Variants in HDAC4 observed in about 807,000 individuals in gnomAD.
HDAC4 encodes histone deacetylase A.
In HDAC4, 16 loss-of-function variants were observed where a neutral mutation model predicts 135.1. The ratio of observed to expected loss-of-function variants is 0.12; its 90% CI spans 0.08 to 0.18. The LOEUF is 0.18. HDAC4 is among the 10% of genes least tolerant of loss of function. HDAC4 has a pLI of 1.00. For missense variants in HDAC4, 1,143 were observed against 1,511.8 expected, an observed-to-expected ratio of 0.76 and a Z score of 4.05; for synonymous variants, 685 against 653.4, an observed-to-expected ratio of 1.05 and a Z score of -0.74.
At chr2:239,357,888 C>CAAAAAAAAAAA (rs71043188) in intron 1 of HDAC4, among the ~76,000 whole-genome samples, 1 of 55,620 alleles carries the variant, frequency 1.8e-5, no homozygotes, top group African/African-American at 8.7e-5. Flanking sequence ...GCCTCTGTTC[C>CAAAAAAAAAAA]AAAAAAAAAA....
Position 239,348,162 on chromosome 2 carries a change from G to A in HDAC4, c.22+4516C>T, listed in dbSNP as rs187136021. ...CCAGCAAATCCACGTCCCAGCAAAT[G>A]CACTGCTTCCTATCGAGAGCACCAT... On this transcript the variant is annotated intron_variant, in intron 2 of 26. Transcript: ENST00000543185. 2.8e-4 allele frequency among the ~76,000 whole-genome samples: 33 copies of A among 118,050 alleles called. No homozygotes were observed. The East Asian group carries it at 7.7e-3, about 28-fold the overall frequency. The allele number at this position is 118,050 out of a possible 152,430, so 77.4% of individuals were successfully genotyped here.
intron 1 of HDAC4, among the ~76,000 whole-genome samples, chr2:239,376,430 T>C (rs1695011211): frequency 1.3e-5 from 2 of 149,122 alleles, no homozygotes; most frequent in South Asian, 2.2e-4. Flanking sequence ...GGTGCCCAGA[T>C]GTGAGGAAGG....
chr2:239,121,516 G>A (rs2039689722), intron 12 of HDAC4, among the ~76,000 whole-genome samples: 1 of 152,334 alleles, frequency 6.6e-6, no homozygotes, highest in African/African-American at 2.4e-5. Flanking sequence ...TTCCCCGGCT[G>A]GCTGCGGATG....
rs982370997 is a variant in HDAC4, at chr2:239,240,700, G to A, written c.23-4036C>T. Among the ~76,000 whole-genome samples the A allele has an allele frequency of 1.3e-4, 20 of 152,174 alleles. No individual in the cohort carries two copies. Among genetic ancestry groups the A allele is most frequent in the African/African-American group, 2.9e-4 (12 of 41,432 alleles). ...CCAGATGCACACTGAGAGGGAGGCC[G>A]AGGAGCACGGGTACCTCGTGTCCTC... On this transcript the variant is annotated intron_variant, in intron 2 of 26. Transcript: ENST00000543185. This position sits in a 1 kb window ranked among gnomAD's most constrained non-coding sequence, Gnocchi z 4.5.
intron 22 of HDAC4, among the ~76,000 whole-genome samples, chr2:239,076,787 A>T (rs1247094779): frequency 2.6e-5 from 4 of 152,158 alleles, no homozygotes; most frequent in African/African-American, 9.7e-5. Context: ...ACTTGGATGG[A>T]CACTTTCTCA....
At position 239,131,898 on chromosome 2, in the gene HDAC4, C is replaced by T. The variant is rs527395815; in HGVS notation, c.1294+2347G>A. 3.9e-5 allele frequency among the ~76,000 whole-genome samples: 6 copies of T among 152,328 alleles called. No homozygotes were observed. In the East Asian group the frequency reaches 7.7e-4, roughly 20 times the overall value. On this transcript the variant is annotated intron_variant, in intron 11 of 26. Coordinates refer to ENST00000543185, the MANE Select transcript of HDAC4 (RefSeq NM_001378414.1). The stretch of plus-strand genomic sequence containing the variant: ...ACCTGGCCAGTACTGCTCTAGACAG[C>T]GTGGGGGCCTCCAGGCCTTCAAGGA...
chr2:239,353,377 T>C (rs563107708), intron 1 of HDAC4, among the ~76,000 whole-genome samples: 9 of 152,238 alleles, frequency 5.9e-5, no homozygotes, highest in African/African-American at 2.2e-4. Context: ...GAATCATTTC[T>C]ACAAATACGA....
chr2:239,076,013 GCGTGCC>G (rs2034717245), intron 22 of HDAC4, among the ~76,000 whole-genome samples: 1 of 151,336 alleles, frequency 6.6e-6, no homozygotes, highest in Admixed American at 6.6e-5. Context: ...AGTAGCAGGC[GCGTGCC>G]AGCGAACTCT....
intron 2 of HDAC4, among the ~76,000 whole-genome samples, chr2:239,316,713 C>A (rs1246392238): frequency 6.6e-6 from 1 of 152,096 alleles, no homozygotes; most frequent in Non-Finnish European, 1.5e-5. Flanking sequence ...AAGAGGAGTT[C>A]CCTGTAGGAC....
chr2:239,192,709 G>A (rs777230014), intron 3 of HDAC4, among the ~76,000 whole-genome samples: 1 of 152,160 alleles, frequency 6.6e-6, no homozygotes, highest in Non-Finnish European at 1.5e-5. Flanking sequence ...TGATTGGCAC[G>A]CGGTTCTCCT....
chr2:239,214,087 A>G (rs920918612), intron 3 of HDAC4, among the ~76,000 whole-genome samples: 1 of 152,200 alleles, frequency 6.6e-6, no homozygotes, highest in African/African-American at 2.4e-5. Flanking sequence ...GGCTTGAAAC[A>G]ACGTATGTTT....
chr2:239,326,352 C>T (rs1231245255), intron 2 of HDAC4, among the ~76,000 whole-genome samples: 4 of 152,044 alleles, frequency 2.6e-5, no homozygotes, highest in East Asian at 1.9e-4. Context: ...TGGTGGGTGC[C>T]GCAGCCAGAG....
Position 239,345,927 on chromosome 2 carries a change from ACTCT to A in HDAC4, c.22+6747_22+6750del, listed in dbSNP as rs536203899. Among the ~76,000 whole-genome samples the A allele has an allele frequency of 5.6e-3, 815 of 146,410 alleles. 3 individuals are homozygous for A. The highest frequency in any genetic ancestry group is 0.01 in the Non-Finnish European group (679 of 66,730). On this transcript the variant is annotated intron_variant, in intron 2 of 26. Transcript: ENST00000543185. ...ACCCCCATCTCACACACGTGCACTC[ACTCT>A]AACAAACACACACATCCTAACACAC...
intron 1 of HDAC4, among the ~76,000 whole-genome samples, chr2:239,366,067 GACAC>G (rs1284036809): frequency 6.7e-6 from 1 of 149,288 alleles, no homozygotes. Flanking sequence ...GGCACTGGCG[GACAC>G]ACACAAACAC....
chr2:239,064,866 G>A (rs1054228003), intron 24 of HDAC4, among the ~76,000 whole-genome samples: 2 of 152,186 alleles, frequency 1.3e-5, no homozygotes, highest in Admixed American at 6.5e-5. Flanking sequence ...TGGCCACCTC[G>A]AGGCCCACTG....
rs1696095744 is a variant in HDAC4 at position 239,390,049 on chromosome 2, A to T, written c.-220+10929T>A. ...AGGGCCTGTGTATCCCATGAAGCTG[A>T]CTCTCCCCAGGTAGGGCAAAGAAAC... is the stretch of plus-strand genomic sequence containing the variant. On this transcript the variant is annotated intron_variant, in intron 1 of 26. Transcript: ENST00000543185. 2.6e-5 allele frequency among the ~76,000 whole-genome samples: 4 copies of T among 151,908 alleles called. No individual in the cohort carries two copies. The South Asian group carries it at 8.4e-4, about 32-fold the overall frequency.
Position 239,306,676 on chromosome 2 carries a change from AC to A in HDAC4, c.22+46001del, listed in dbSNP as rs896077116. On this transcript the variant is annotated intron_variant, in intron 2 of 26. Coordinates refer to ENST00000543185, the MANE Select transcript of HDAC4 (RefSeq NM_001378414.1). The surrounding 1 kb of genome is among the most constrained non-coding windows in gnomAD (Gnocchi z 4.5). ...CCCACACTGCCCAGGTGATGGCAGAACCCAGGTCCTCGGGCGCAGAGCATCC... is the reference window on the plus strand; with the variant it reads ...CCCACACTGCCCAGGTGATGGCAGAACCAGGTCCTCGGGCGCAGAGCATCC... 2.2e-4 allele frequency among the ~76,000 whole-genome samples: 34 copies of A among 152,272 alleles called. No homozygotes were observed. Among genetic ancestry groups the A allele is most frequent in the African/African-American group, 8.2e-4 (34 of 41,564 alleles).
intron 1 of HDAC4, among the ~76,000 whole-genome samples, chr2:239,372,159 C>T (rs1455262098): frequency 6.6e-6 from 1 of 152,172 alleles, no homozygotes. Flanking sequence ...CTCAGGAACT[C>T]CTGGACAGTG....
intron 24 of HDAC4, among the ~76,000 whole-genome samples, chr2:239,058,478 G>A (rs1026859717): frequency 6.6e-6 from 1 of 152,198 alleles, no homozygotes; most frequent in Non-Finnish European, 1.5e-5. Flanking sequence ...CCAGGCTTTT[G>A]CTGTTTATAG....
Sources: allele counts gnomAD v4.1 joint callset (sites outside exome capture counted in the v4.1 genomes callset), GRCh38; gene constraint gnomAD v4.1.1; non-coding constraint Gnocchi (gnomAD v3.1); transcripts MANE v1.5; gene names NCBI Gene and HGNC (gene_info 2026-07-23, HGNC 2026-07-21).